Variants in AUTS2 observed in about 807,000 individuals in gnomAD.
AUTS2 encodes the protein autism susceptibility gene 2 protein.
In AUTS2, 17 loss-of-function variants were observed where a neutral mutation model predicts 112.4. That is an observed-to-expected ratio of 0.15 (90% CI 0.10 to 0.23). AUTS2 has a LOEUF of 0.23. Among genes scored for constraint, AUTS2 ranks in the 10% least tolerant of loss-of-function variants. The pLI, the probability that AUTS2 is intolerant of heterozygous loss-of-function variation, is 1.00. For synonymous variants in AUTS2, 751 were observed against 702.7 expected (o/e 1.07, Z -1.09); for missense variants, 1,510 against 1,701.6 (o/e 0.89, Z 1.98).
At chr7:69,632,190 A>G (rs1463232794) in intron 1 of AUTS2, among the ~76,000 whole-genome samples, 3 of 152,176 alleles carry the variant, frequency 2.0e-5, no homozygotes, top group Non-Finnish European at 1.5e-5. Flanking sequence ...TGGATCACCT[A>G]TTTTGAACTT....
intron 6 of AUTS2, among the ~76,000 whole-genome samples, chr7:70,718,033 T>C (rs1810474790): frequency 6.6e-6 from 1 of 152,158 alleles, no homozygotes; most frequent in Non-Finnish European, 1.5e-5. Flanking sequence ...GCTTACCTCT[T>C]GAAGCATGTA....
chr7:70,496,019 A>ACC (rs560797976), intron 5 of AUTS2, among the ~76,000 whole-genome samples: 11 of 64,882 alleles, frequency 1.7e-4, no homozygotes, highest in Non-Finnish European at 2.2e-4. Context: ...ACACACACAC[A>ACC]CCCCCCCCAC....
At chr7:70,012,987 ATATTT>A (rs1184567769) in intron 2 of AUTS2, among the ~76,000 whole-genome samples, 6 of 152,196 alleles carry the variant, frequency 3.9e-5, no homozygotes, top group African/African-American at 1.4e-4. Flanking sequence ...GAGGAAAAGA[ATATTT>A]TATAGAGAAA....
intron 1 of AUTS2, among the ~76,000 whole-genome samples, chr7:69,848,756 G>A (rs1383188274): frequency 6.6e-6 from 1 of 152,060 alleles, no homozygotes; most frequent in Non-Finnish European, 1.5e-5. Flanking sequence ...GACTGTCTAG[G>A]GAAGGAGCTT....
At chr7:70,409,701 C>T (rs181418394) in intron 4 of AUTS2, among the ~76,000 whole-genome samples, 34 of 152,244 alleles carry the variant, frequency 2.2e-4, no homozygotes, top group African/African-American at 6.5e-4. Flanking sequence ...TGAGCTGAGA[C>T]GTTATACTAA....
At chr7:69,619,092 T>C (rs1459113208) in intron 1 of AUTS2, among the ~76,000 whole-genome samples, 2 of 152,230 alleles carry the variant, frequency 1.3e-5, no homozygotes, top group Non-Finnish European at 2.9e-5. Flanking sequence ...TACCAAGCCA[T>C]GTGTGGTACT....
Position 70,245,171 on chromosome 7 carries a change from A to T in AUTS2, c.660+110600A>T, listed in dbSNP as rs200252798. On this transcript the variant is annotated intron_variant, in intron 4 of 18. Coordinates refer to ENST00000342771, the MANE Select transcript of AUTS2 (RefSeq NM_015570.4). The stretch of plus-strand genomic sequence containing the variant: ...ATATATATATATATATATATATATA[A>T]AAAATAAAAAATAAACAAAAATTAA... Among the ~76,000 whole-genome samples the T allele has an allele frequency of 1.5e-3, 189 of 129,392 alleles. 2 individuals carry two copies. Among genetic ancestry groups the T allele is most frequent in the East Asian group, 7.0e-3 (33 of 4,698 alleles). The allele number at this position is 129,392 out of a possible 152,430, so 84.9% of individuals were successfully genotyped here.
At chr7:69,790,574 A>G (rs764225598) in intron 1 of AUTS2, among the ~76,000 whole-genome samples, 21 of 152,338 alleles carry the variant, frequency 1.4e-4, no homozygotes, top group Non-Finnish European at 2.6e-4. Flanking sequence ...CTATAACTCT[A>G]TTTTTCAGTT....
intron 4 of AUTS2, among the ~76,000 whole-genome samples, chr7:70,384,142 C>T (rs1793503547): frequency 6.6e-6 from 1 of 152,220 alleles, no homozygotes; most frequent in African/African-American, 2.4e-5. Context: ...TGCCATGTGC[C>T]TGTGATCTGT....
At chr7:70,526,536 G>T (rs1048559617) in intron 5 of AUTS2, among the ~76,000 whole-genome samples, 4 of 152,206 alleles carry the variant, frequency 2.6e-5, no homozygotes, top group African/African-American at 9.7e-5. Context: ...GCCAGGCGTG[G>T]TGGCACATGC....
intron 5 of AUTS2, among the ~76,000 whole-genome samples, chr7:70,439,129 C>T (rs1214175956): frequency 2.6e-5 from 4 of 152,234 alleles, no homozygotes; most frequent in Non-Finnish European, 5.9e-5. Context: ...AGGAGACACA[C>T]TTGTGCACAA....
chr7:69,657,957 ACAGGCCAAAC>A, intron 1 of AUTS2, among the ~76,000 whole-genome samples: 1 of 152,370 alleles, frequency 6.6e-6, no homozygotes, highest in South Asian at 2.1e-4. Context: ...AGTTTGGTCC[ACAGGCCAAAC>A]CAGGCCACTA....
At chr7:70,778,074 T>C (rs904635601) in intron 14 of AUTS2, among the ~76,000 whole-genome samples, 1 of 152,228 alleles carries the variant, frequency 6.6e-6, no homozygotes, top group Non-Finnish European at 1.5e-5. Context: ...AAGACGATTT[T>C]TCCTTTTTGT....
At chr7:70,524,559 TG>T (rs1013797633) in intron 5 of AUTS2, among the ~76,000 whole-genome samples, 5 of 152,150 alleles carry the variant, frequency 3.3e-5, no homozygotes, top group African/African-American at 1.2e-4. Flanking sequence ...TCCTCTCAAG[TG>T]AGAAAGGGTC....
At chr7:69,697,045 A>G (rs762776878) in intron 1 of AUTS2, among the ~76,000 whole-genome samples, 31 of 152,250 alleles carry the variant, frequency 2.0e-4, no homozygotes, top group Non-Finnish European at 7.3e-5. Context: ...ACTGTTGGAC[A>G]ATGATTCTCA....
At chr7:70,539,908 C>G (rs1252659964) in intron 5 of AUTS2, among the ~76,000 whole-genome samples, 1 of 152,214 alleles carries the variant, frequency 6.6e-6, no homozygotes, top group African/African-American at 2.4e-5. Context: ...ATGGGCTCCT[C>G]TCTGCAAACC....
At chr7:69,996,128 G>A (rs1465487501) in intron 2 of AUTS2, among the ~76,000 whole-genome samples, 1 of 152,122 alleles carries the variant, frequency 6.6e-6, no homozygotes, top group East Asian at 1.9e-4. Context: ...ATCCTGCCAG[G>A]GTACTGCTAT....
intron 5 of AUTS2, among the ~76,000 whole-genome samples, chr7:70,697,568 C>CCCCA (rs1554464436): frequency 7.0e-6 from 1 of 142,682 alleles, no homozygotes; most frequent in African/African-American, 2.5e-5. Flanking sequence ...ATTCCCCCCC[C>CCCCA]CCATTTCCTA....
chr7:69,978,016 G>T (rs960801794), intron 2 of AUTS2, among the ~76,000 whole-genome samples: 1 of 152,130 alleles, frequency 6.6e-6, no homozygotes, highest in African/African-American at 2.4e-5. Context: ...CATTTTCTTG[G>T]AAGCAGAAGT....
Sources: gnomAD v4.1 joint callset for allele counts (sites outside exome capture counted in the v4.1 genomes callset) on GRCh38, gnomAD v4.1.1 for gene constraint, MANE v1.5 for transcripts, NCBI Gene and HGNC (gene_info 2026-07-23, HGNC 2026-07-21) for gene names.